Variants in CNTNAP2 observed in about 807,000 individuals in gnomAD.
CNTNAP2 encodes contactin-associated protein-like 2.
CNTNAP2 carries 98 observed loss-of-function variants against 155.2 expected under a neutral mutation model. The observed-to-expected ratio is 0.63, with a 90% CI of 0.54 to 0.75. The LOEUF (loss-of-function observed/expected upper bound fraction) is 0.75, where lower values mean the gene tolerates loss of function less well. Among genes scored for constraint, CNTNAP2 ranks in the 30% least tolerant of loss-of-function variants. The pLI, the probability that CNTNAP2 is intolerant of heterozygous loss-of-function variation, is 0.00. For synonymous variants in CNTNAP2, 651 were observed against 631.2 expected, an observed-to-expected ratio of 1.03 and a Z score of -0.47; for missense variants, 1,727 against 1,688.1, an observed-to-expected ratio of 1.02 and a Z score of -0.40.
intron 1 of CNTNAP2, among the ~76,000 whole-genome samples, chr7:146,535,010 C>T (rs60837142): frequency 0.44 from 55,364 of 126,260 alleles, 13,971 homozygotes; most frequent in African/African-American, 0.71. Context: ...CACAATTAGG[C>T]GTGCCATGTC....
intron 1 of CNTNAP2, among the ~76,000 whole-genome samples, chr7:146,227,113 G>T (rs573088147): frequency 6.7e-4 from 102 of 152,134 alleles, no homozygotes; most frequent in African/African-American, 2.4e-3. Context: ...ATTAAGAGAG[G>T]AATGATGAGA....
At chr7:147,643,184 T>C (rs927354320) in intron 13 of CNTNAP2, among the ~76,000 whole-genome samples, 3 of 152,184 alleles carry the variant, frequency 2.0e-5, no homozygotes, top group African/African-American at 7.2e-5. Context: ...TAGTCCTTCA[T>C]GTGGGAGAAG....
chr7:146,220,519 A>G (rs1562994787), intron 1 of CNTNAP2, among the ~76,000 whole-genome samples: 1 of 152,188 alleles, frequency 6.6e-6, no homozygotes, highest in Admixed American at 6.5e-5. Flanking sequence ...TTAAAATTGT[A>G]CTAGTATAGA....
intron 13 of CNTNAP2, among the ~76,000 whole-genome samples, chr7:147,897,542 A>T (rs964079308): frequency 6.6e-6 from 1 of 152,206 alleles, no homozygotes; most frequent in African/African-American, 2.4e-5. Flanking sequence ...AATGCAAAAA[A>T]TGAATATGAT....
chr7:147,049,609 G>A (rs1418962104), intron 4 of CNTNAP2, among the ~76,000 whole-genome samples: 1 of 152,112 alleles, frequency 6.6e-6, no homozygotes, highest in African/African-American at 2.4e-5. Flanking sequence ...GTACTCTAGG[G>A]TCTCAGCAAG....
chr7:147,768,944 A>G lies in CNTNAP2; in HGVS notation c.2098+129638A>G, dbSNP rs547247974. Among the ~76,000 whole-genome samples, 8 of 152,238 alleles carry G rather than the reference A, an allele frequency of 5.3e-5. 1 individual carries two copies. The South Asian group carries it at 1.7e-3, about 32-fold the overall frequency. On this transcript the variant is annotated intron_variant, in intron 13 of 23. Coordinates refer to ENST00000361727, the MANE Select transcript of CNTNAP2 (RefSeq NM_014141.6). Reference sequence around the variant, plus strand: ...AATTCCACTTCAAAGAAGGTACTTTATTTTCCTTTTCCTTCTAGTTTAATA... The same window carrying G: ...AATTCCACTTCAAAGAAGGTACTTTGTTTTCCTTTTCCTTCTAGTTTAATA...
At chr7:146,954,915 T>C (rs1203827918) in intron 3 of CNTNAP2, among the ~76,000 whole-genome samples, 3 of 151,898 alleles carry the variant, frequency 2.0e-5, no homozygotes, top group African/African-American at 7.2e-5. Context: ...ATATGCCCTT[T>C]GTCTTAAACC....
At chr7:148,201,174 T>C (rs1222826829) in intron 18 of CNTNAP2, among the ~76,000 whole-genome samples, 4 of 152,182 alleles carry the variant, frequency 2.6e-5, no homozygotes, top group Admixed American at 6.5e-5. Context: ...CAAAATGTCA[T>C]TTGGAAAGGG....
chr7:148,267,667 A>C (rs971696243), intron 21 of CNTNAP2, among the ~76,000 whole-genome samples: 2 of 151,474 alleles, frequency 1.3e-5, no homozygotes, highest in African/African-American at 4.8e-5. Flanking sequence ...AAAAAAAAAA[A>C]AAAAACAACC....
intron 14 of CNTNAP2, among the ~76,000 whole-genome samples, chr7:147,933,430 T>C (rs1800542617): frequency 6.6e-6 from 1 of 151,852 alleles, no homozygotes; most frequent in South Asian, 2.1e-4. Context: ...TAAATGTCTA[T>C]CAAAAGATGA....
intron 1 of CNTNAP2, among the ~76,000 whole-genome samples, chr7:146,384,904 A>C (rs551143808): frequency 6.6e-6 from 1 of 152,174 alleles, no homozygotes; most frequent in Non-Finnish European, 1.5e-5. Context: ...GAGCATAATA[A>C]TAATTGAGGG....
chr7:148,232,086 C>A (rs1324412176), intron 20 of CNTNAP2, among the ~76,000 whole-genome samples: 1 of 152,172 alleles, frequency 6.6e-6, no homozygotes, highest in Non-Finnish European at 1.5e-5. Context: ...GTGAGGGCAA[C>A]TAGGAAAGAT....
chr7:146,529,442 T>C (rs1430801682), intron 1 of CNTNAP2, among the ~76,000 whole-genome samples: 1 of 152,126 alleles, frequency 6.6e-6, no homozygotes, highest in African/African-American at 2.4e-5. Context: ...TATGAGATGA[T>C]ACTCTAGGGT....
Position 147,486,004 on chromosome 7 carries a change from T to G in CNTNAP2, c.1740T>G (p.Cys580Trp), listed in dbSNP as rs768699485. The change falls in exon 11 of 24, where the codon TGT (cysteine) becomes TGG (tryptophan). Residue 580 changes from cysteine to tryptophan, a missense_variant. Physicochemically the swap from Cys to Trp is radical, Grantham distance 215 (BLOSUM62 -2). Coordinates refer to ENST00000361727, the MANE Select transcript of CNTNAP2 (RefSeq NM_014141.6). Reference sequence around the variant, plus strand: ...CATGGGACAGCTTCAAATGCACTTGTGATGAGACAGGATACAGTGGGGCCA... The same window carrying G: ...CATGGGACAGCTTCAAATGCACTTGGGATGAGACAGGATACAGTGGGGCCA... The part of the protein sequence containing the change: ...SQTWDSFKCT[C>W]DETGYSGATC... The G allele has an allele frequency of 6.2e-7, 1 of 1,613,976 alleles. No individual in the cohort carries two copies. Among genetic ancestry groups the G allele is most frequent in the African/African-American group, 1.3e-5 (1 of 74,898 alleles).
intron 21 of CNTNAP2, among the ~76,000 whole-genome samples, chr7:148,317,574 G>C (rs1266481908): frequency 6.6e-6 from 1 of 152,156 alleles, no homozygotes; most frequent in Non-Finnish European, 1.5e-5. Flanking sequence ...TCTTATTAAA[G>C]TAAACTGCAG....
chr7:147,735,850 C>T (rs952601873), intron 13 of CNTNAP2, among the ~76,000 whole-genome samples: 1 of 151,528 alleles, frequency 6.6e-6, no homozygotes, highest in Non-Finnish European at 1.5e-5. Flanking sequence ...GCAACCCCTG[C>T]CTTTTTTTGT....
chr7:146,953,655 T>C (rs749613484), intron 3 of CNTNAP2, among the ~76,000 whole-genome samples: 16 of 151,960 alleles, frequency 1.1e-4, no homozygotes, highest in Non-Finnish European at 8.8e-5. Flanking sequence ...TTAATTTTAC[T>C]GGCCCCCAAA....
intron 2 of CNTNAP2, among the ~76,000 whole-genome samples, chr7:146,816,576 C>T (rs138329938): frequency 7.4e-4 from 113 of 152,166 alleles, no homozygotes; most frequent in African/African-American, 2.5e-3. Context: ...GGAACTTGGG[C>T]GTATACCACT....
At chr7:147,561,174 G>A (rs986847611) in intron 11 of CNTNAP2, among the ~76,000 whole-genome samples, 9 of 152,036 alleles carry the variant, frequency 5.9e-5, no homozygotes, top group Admixed American at 1.3e-4. Flanking sequence ...ACAATGTTTT[G>A]TAATTTATTT....
Sources: gnomAD v4.1 joint callset for allele counts (sites outside exome capture counted in the v4.1 genomes callset) on GRCh38, gnomAD v4.1.1 for gene constraint, MANE v1.5 for transcripts, NCBI Gene and HGNC (gene_info 2026-07-23, HGNC 2026-07-21) for gene names.